Variants in SLC4A10 observed in about 807,000 individuals in gnomAD.
SLC4A10 encodes the protein sodium-driven chloride bicarbonate exchanger.
In SLC4A10, 42 loss-of-function variants were observed where a neutral mutation model predicts 137.7. That is an observed-to-expected ratio of 0.30 (90% CI 0.24 to 0.39). SLC4A10 has a LOEUF of 0.39. Among genes scored for constraint, SLC4A10 ranks in the 10% least tolerant of loss-of-function variants. The pLI is 1.00. For synonymous variants in SLC4A10, 474 were observed against 464.1 expected (o/e 1.02, Z -0.27); for missense variants, 925 against 1,355.0 (o/e 0.68, Z 4.98).
intron 24 of SLC4A10, among the ~76,000 whole-genome samples, chr2:161,974,605 G>A (rs570285947): frequency 1.3e-5 from 2 of 152,250 alleles, no homozygotes; most frequent in African/African-American, 2.4e-5. Context: ...TTCTCAGAAA[G>A]TAGCACCAGA....
At chr2:161,914,314 G>T (rs1686574962) in intron 15 of SLC4A10, among the ~76,000 whole-genome samples, 1 of 152,126 alleles carries the variant, frequency 6.6e-6, no homozygotes, top group Admixed American at 6.6e-5. Context: ...ATAGCTCTCA[G>T]TTTTAGGCAA....
chr2:161,919,368 G>A (rs936913323), intron 15 of SLC4A10, among the ~76,000 whole-genome samples: 1 of 152,088 alleles, frequency 6.6e-6, no homozygotes, highest in African/African-American at 2.4e-5. Context: ...AAGCCTGGGG[G>A]CCAGGCTGCC....
intron 2 of SLC4A10, among the ~76,000 whole-genome samples, chr2:161,787,638 TG>T (rs2053771988): frequency 6.6e-6 from 1 of 152,180 alleles, no homozygotes; most frequent in Admixed American, 6.5e-5. Context: ...TATTTATTTT[TG>T]TCTGACTGGA....
At chr2:161,887,962 A>G (rs1212770937) in intron 10 of SLC4A10, among the ~76,000 whole-genome samples, 1 of 152,138 alleles carries the variant, frequency 6.6e-6, no homozygotes, top group African/African-American at 2.4e-5. Context: ...TCTTTAATCC[A>G]TCTTGAATTA....
chr2:161,755,040 C>G (rs1440365708), intron 1 of SLC4A10, among the ~76,000 whole-genome samples: 1 of 152,086 alleles, frequency 6.6e-6, no homozygotes, highest in Non-Finnish European at 1.5e-5. Flanking sequence ...TGAACTTGTT[C>G]TTTTTAGTGT....
chr2:161,857,306 T>C (rs969431542), intron 5 of SLC4A10, among the ~76,000 whole-genome samples: 13 of 152,190 alleles, frequency 8.5e-5, no homozygotes, highest in Admixed American at 7.2e-4. Flanking sequence ...ATACCCTAAA[T>C]AGCTTTTTAG....
At chr2:161,723,915 T>C (rs1297794305) in intron 1 of SLC4A10, among the ~76,000 whole-genome samples, 1 of 152,236 alleles carries the variant, frequency 6.6e-6, no homozygotes, top group Non-Finnish European at 1.5e-5. Context: ...CATTGCATCC[T>C]GGTAGACATC....
chr2:161,644,717 A>G (rs1266677917), intron 1 of SLC4A10, among the ~76,000 whole-genome samples: 1 of 152,208 alleles, frequency 6.6e-6, no homozygotes, highest in Non-Finnish European at 1.5e-5. Context: ...TAAGACATTA[A>G]TAACCTTTGA....
At chr2:161,807,019 C>T (rs773636196) in intron 3 of SLC4A10, among the ~76,000 whole-genome samples, 4 of 152,176 alleles carry the variant, frequency 2.6e-5, no homozygotes, top group East Asian at 1.9e-4. Context: ...ACAATCATAG[C>T]GGAAAGCAAG....
At chr2:161,650,605 C>G (rs987701329) in intron 1 of SLC4A10, among the ~76,000 whole-genome samples, 1 of 152,246 alleles carries the variant, frequency 6.6e-6, no homozygotes, top group Non-Finnish European at 1.5e-5. Flanking sequence ...CCTGCCCCCA[C>G]AAGCTTGGAA....
chr2:161,633,023 A>G (rs1310515599), intron 1 of SLC4A10, among the ~76,000 whole-genome samples: 1 of 151,572 alleles, frequency 6.6e-6, no homozygotes, highest in Non-Finnish European at 1.5e-5. Context: ...TGATGATTTC[A>G]ATATATGATG....
intron 26 of SLC4A10, among the ~76,000 whole-genome samples, chr2:161,982,313 C>T (rs1488256750): frequency 6.6e-6 from 1 of 152,066 alleles, no homozygotes; most frequent in Admixed American, 6.5e-5. Flanking sequence ...TTTCTGCCCT[C>T]TCTGGAACAT....
At chr2:161,956,526 GT>G (rs1695702157) in intron 19 of SLC4A10, among the ~76,000 whole-genome samples, 1 of 68,878 alleles carries the variant, frequency 1.5e-5, no homozygotes, top group Admixed American at 1.5e-4. Context: ...CACCCTGTCT[GT>G]GCAAGAGGGC....
Position 161,965,146 on chromosome 2 carries a change from A to G in SLC4A10, c.3132A>G (p.Lys1044=). ...WLDDLMPESK[K]KKLEDAEKEE... is the part of the protein sequence containing the mutation. ...ATGATTTGATGCCCGAGAGTAAGAA[A>G]AAGAAACTGGAAGATGCTGAAAAAG... Residue 1044 remains lysine, a synonymous_variant, in exon 23 of 27, where the codon AAA becomes AAG. Transcript: ENST00000446997. 1 of 1,611,618 alleles carries G rather than the reference A, an allele frequency of 6.2e-7. No individual in the cohort carries two copies. The highest frequency in any genetic ancestry group is 1.1e-5 in the South Asian group (1 of 90,784).
chr2:161,924,272 G>C (rs1688676047), intron 15 of SLC4A10, among the ~76,000 whole-genome samples: 1 of 151,706 alleles, frequency 6.6e-6, no homozygotes. Flanking sequence ...CATTTTTCTT[G>C]ATTGATTTAT....
chr2:161,848,647 T>C (rs1006622845), intron 4 of SLC4A10, among the ~76,000 whole-genome samples: 3 of 152,090 alleles, frequency 2.0e-5, no homozygotes, highest in African/African-American at 7.2e-5. Context: ...AGTCCTTTCC[T>C]CATTGCTTAT....
At chr2:161,727,052 A>AT (rs1233871835) in intron 1 of SLC4A10, among the ~76,000 whole-genome samples, 5 of 152,228 alleles carry the variant, frequency 3.3e-5, no homozygotes, top group African/African-American at 4.8e-5. Context: ...GAATACTGGA[A>AT]TTTTATTCAC....
At chr2:161,876,145 C>G (rs1559439416) in intron 8 of SLC4A10, among the ~76,000 whole-genome samples, 1 of 152,064 alleles carries the variant, frequency 6.6e-6, no homozygotes, top group African/African-American at 2.4e-5. Context: ...TCTGGGCAGC[C>G]CAGAAGCATG....
At chr2:161,677,098 C>T (rs1268265036) in intron 1 of SLC4A10, among the ~76,000 whole-genome samples, 3 of 152,104 alleles carry the variant, frequency 2.0e-5, no homozygotes, top group Non-Finnish European at 4.4e-5. Flanking sequence ...GTGGATCCCT[C>T]ATGAATGGCT....
Sources: gnomAD v4.1 joint callset for allele counts (sites outside exome capture counted in the v4.1 genomes callset) on GRCh38, gnomAD v4.1.1 for gene constraint, MANE v1.5 for transcripts, NCBI Gene and HGNC (gene_info 2026-07-23, HGNC 2026-07-21) for gene names.